Variants in DPP10 observed in about 807,000 individuals in gnomAD.
The protein encoded by DPP10 is inactive dipeptidyl peptidase 10.
In DPP10, 33 loss-of-function variants were observed where a neutral mutation model predicts 120.9. The observed-to-expected ratio is 0.27, with a 90% CI of 0.21 to 0.37. The LOEUF (loss-of-function observed/expected upper bound fraction) is 0.37. Ranked by LOEUF, DPP10 falls within the 10% of genes least tolerant of loss-of-function variation. The pLI, the probability that DPP10 is intolerant of heterozygous loss-of-function variation, is 1.00. For missense variants in DPP10, 816 were observed against 942.8 expected (o/e 0.87, Z 1.76); for synonymous variants, 337 against 326.1 (o/e 1.03, Z -0.36).
chr2:115,713,876 C>G (rs753336758), intron 7 of DPP10, among the ~76,000 whole-genome samples: 1 of 151,980 alleles, frequency 6.6e-6, no homozygotes, highest in African/African-American at 2.4e-5. Flanking sequence ...TCTTCTTATC[C>G]CATCATCCAT....
intron 1 of DPP10, among the ~76,000 whole-genome samples, chr2:114,600,919 G>T (rs1305075529): frequency 1.3e-5 from 2 of 151,774 alleles, no homozygotes; most frequent in Admixed American, 1.3e-4. Flanking sequence ...TAGAAGTTAA[G>T]AAAGAGAGGA....
chr2:114,905,010 G>C (rs1244577057), intron 1 of DPP10, among the ~76,000 whole-genome samples: 1 of 152,092 alleles, frequency 6.6e-6, no homozygotes, highest in South Asian at 2.1e-4. Context: ...TCTATTTCTA[G>C]ATATTTTTTA....
At chr2:114,641,736 C>T (rs1223383761) in intron 1 of DPP10, among the ~76,000 whole-genome samples, 1 of 151,814 alleles carries the variant, frequency 6.6e-6, no homozygotes, top group Non-Finnish European at 1.5e-5. Flanking sequence ...CATGTAAATG[C>T]TCAATGAAGC....
chr2:115,464,582 G>T (rs1453470058), intron 3 of DPP10, among the ~76,000 whole-genome samples: 1 of 151,658 alleles, frequency 6.6e-6, no homozygotes, highest in African/African-American at 2.4e-5. Flanking sequence ...TGTTGAAACT[G>T]TTTACACATG....
At chr2:115,112,359 T>G (rs868371279) in intron 1 of DPP10, among the ~76,000 whole-genome samples, 8 of 152,228 alleles carry the variant, frequency 5.3e-5, no homozygotes, top group African/African-American at 1.7e-4. Context: ...CATTAAAAAT[T>G]TTTATTTTAC....
At chr2:115,753,913 G>T (rs1812462) in intron 11 of DPP10, among the ~76,000 whole-genome samples, 1 of 152,136 alleles carries the variant, frequency 6.6e-6, no homozygotes, top group East Asian at 1.9e-4. Flanking sequence ...TGGGTAAAGC[G>T]TTTTTAGATT....
intron 1 of DPP10, among the ~76,000 whole-genome samples, chr2:114,829,124 T>TA (rs1276271399): frequency 3.3e-5 from 5 of 151,724 alleles, no homozygotes; most frequent in Non-Finnish European, 7.4e-5. Flanking sequence ...CCATCTCTAC[T>TA]AAAAAACTAC....
intron 1 of DPP10, among the ~76,000 whole-genome samples, chr2:115,198,631 G>T (rs929841030): frequency 5.3e-5 from 8 of 152,032 alleles, no homozygotes; most frequent in Admixed American, 2.6e-4. Context: ...TCCCTAGAGG[G>T]ATTTACTTAA....
chr2:115,794,361 C>G (rs1307117905), intron 19 of DPP10, among the ~76,000 whole-genome samples: 1 of 152,170 alleles, frequency 6.6e-6, no homozygotes, highest in East Asian at 1.9e-4. Context: ...TGGCCTCTGG[C>G]AATTTGGAAA....
chr2:115,103,015 C>G (rs1559097993), intron 1 of DPP10, among the ~76,000 whole-genome samples: 2 of 152,026 alleles, frequency 1.3e-5, no homozygotes, highest in African/African-American at 4.8e-5. Flanking sequence ...AGAAATATTT[C>G]TTTTATTTGA....
chr2:114,784,383 T>C (rs546645067), intron 1 of DPP10, among the ~76,000 whole-genome samples: 34 of 152,262 alleles, frequency 2.2e-4, no homozygotes, highest in African/African-American at 7.9e-4. Flanking sequence ...TACTTTTACC[T>C]CTTTAAAAAG....
intron 1 of DPP10, among the ~76,000 whole-genome samples, chr2:114,873,084 G>A (rs1690830387): frequency 6.6e-6 from 1 of 152,256 alleles, no homozygotes; most frequent in East Asian, 1.9e-4. Flanking sequence ...ATTATCGAAG[G>A]CCACCATTTC....
At chr2:115,475,198 T>G (rs2074996858) in intron 3 of DPP10, among the ~76,000 whole-genome samples, 1 of 152,048 alleles carries the variant, frequency 6.6e-6, no homozygotes, top group African/African-American at 2.4e-5. Context: ...TCTGAATGGT[T>G]TTGAGGGCCA....
chr2:114,614,365 C>G (rs1464283071), intron 1 of DPP10, among the ~76,000 whole-genome samples: 1 of 152,162 alleles, frequency 6.6e-6, no homozygotes, highest in East Asian at 1.9e-4. Flanking sequence ...GTTGCCCTCT[C>G]TCCCCACCTC....
At chr2:114,814,802 T>C (rs1230801032) in intron 1 of DPP10, among the ~76,000 whole-genome samples, 1 of 152,242 alleles carries the variant, frequency 6.6e-6, no homozygotes, top group African/African-American at 2.4e-5. Context: ...ACAGCGGTCC[T>C]GGCTAGGATC....
intron 5 of DPP10, among the ~76,000 whole-genome samples, chr2:115,591,924 T>A (rs2082688567): frequency 2.0e-5 from 3 of 152,160 alleles, no homozygotes. Flanking sequence ...TTTGAAGCAA[T>A]TGTGAATGGG....
chr2:115,268,598 CTG>C (rs2059557769), intron 1 of DPP10, among the ~76,000 whole-genome samples: 1 of 152,104 alleles, frequency 6.6e-6, no homozygotes, highest in Non-Finnish European at 1.5e-5. Context: ...GATCCTAATA[CTG>C]TGTTCAGGAA....
At chr2:114,888,137 C>T (rs1413005275) in intron 1 of DPP10, among the ~76,000 whole-genome samples, 13 of 135,366 alleles carry the variant, frequency 9.6e-5, no homozygotes, top group African/African-American at 2.0e-4. Context: ...AGCGAGCCTC[C>T]GTCTCAAAAA....
chr2:115,670,734 A>G (rs1382468532), intron 5 of DPP10, among the ~76,000 whole-genome samples: 1 of 152,136 alleles, frequency 6.6e-6, no homozygotes, highest in African/African-American at 2.4e-5. Context: ...AATATATTCT[A>G]TCATGTAATC....
Sources: gnomAD v4.1 joint callset for allele counts (sites outside exome capture counted in the v4.1 genomes callset) on GRCh38, gnomAD v4.1.1 for gene constraint, MANE v1.5 for transcripts, NCBI Gene and HGNC (gene_info 2026-07-23, HGNC 2026-07-21) for gene names.